Variants in LRRC51 observed in about 807,000 individuals in gnomAD.
The protein encoded by LRRC51 is leucine rich repeat containing 51.
A neutral mutation model predicts 17.8 loss-of-function variants in LRRC51; 8 were observed. The observed-to-expected ratio is 0.45, with a 90% CI of 0.26 to 0.81. The LOEUF (loss-of-function observed/expected upper bound fraction) is 0.81. Among genes scored for constraint, LRRC51 ranks in the 30% least tolerant of loss-of-function variants. LRRC51 has a pLI of 0.17. For synonymous variants in LRRC51, 92 were observed against 96.0 expected (o/e 0.96, Z 0.24); for missense variants, 233 against 239.3 (o/e 0.97, Z 0.17).
In LRRC51 at chr11:72,089,076, C is replaced by A. The variant is rs984436159; in HGVS notation, c.-8C>A. The A allele has an allele frequency of 6.2e-7, 1 of 1,613,544 alleles. No individual in the cohort carries two copies. Among genetic ancestry groups the A allele is most frequent in the Non-Finnish European group, 8.5e-7 (1 of 1,179,976 alleles). On this transcript the variant is annotated 5_prime_UTR_variant, in exon 3 of 6. Coordinates refer to ENST00000289488, the MANE Select transcript of LRRC51 (RefSeq NM_145309.6). ...ACCTGCTTGCACCTTTGAATGATGG[C>A]CTGAACTATGAACAAACGGGACTAT...
chr11:72,085,074 G>A (rs1208148383), intron 1 of LRRC51, among the ~76,000 whole-genome samples: 1 of 152,160 alleles, frequency 6.6e-6, no homozygotes, highest in Admixed American at 6.5e-5. Context: ...ATTTGGAAAT[G>A]AGAAATTCCA....
chr11:72,089,389 T>C (rs1944728016), intron 3 of LRRC51: 2 of 1,470,152 alleles, frequency 1.4e-6, no homozygotes, highest in Non-Finnish European at 1.8e-6. Context: ...CCTAAGAACA[T>C]GTGCCCCTGT....
intron 1 of LRRC51, among the ~76,000 whole-genome samples, chr11:72,087,966 C>T (rs1944639143): frequency 2.0e-5 from 3 of 152,084 alleles, no homozygotes; most frequent in Admixed American, 2.0e-4. Context: ...TATTGTAAAC[C>T]TGAAATCCTT....
At chr11:72,093,885 T>C (rs796266187) in intron 4 of LRRC51, among the ~76,000 whole-genome samples, 184 bp downstream of exon 4, 9 of 152,358 alleles carry the variant, frequency 5.9e-5, no homozygotes, top group African/African-American at 2.2e-4. Context: ...TCTTACTGAC[T>C]GTGACTTTGA....
chr11:72,089,698 C>T, intron 3 of LRRC51: 1 of 799,794 alleles, frequency 1.3e-6, no homozygotes, highest in Non-Finnish European at 1.6e-6. Flanking sequence ...AGTTTAAATA[C>T]TTACTGACAA....
Position 72,096,116 on chromosome 11 carries a change from C to T in LRRC51, c.*596C>T. The T allele has an allele frequency of 5.9e-6, 1 of 168,478 alleles. No individual in the cohort carries two copies. Among genetic ancestry groups the T allele is most frequent in the South Asian group, 1.4e-4 (1 of 7,238 alleles). The allele number at this position is 168,478 out of a possible 1,614,324, so 10.4% of individuals were successfully genotyped here. On this transcript the variant is annotated 3_prime_UTR_variant, in exon 6 of 6. Coordinates refer to ENST00000289488, the MANE Select transcript of LRRC51 (RefSeq NM_145309.6). Reference sequence around the variant, plus strand: ...CTTCCAGGTTCACGCCATTCTCCTGCCTCAGCCTCCCAAGTAGCTGGGACT... The same window carrying T: ...CTTCCAGGTTCACGCCATTCTCCTGTCTCAGCCTCCCAAGTAGCTGGGACT...
At chr11:72,092,700 A>G (rs1217849315) in intron 3 of LRRC51, among the ~76,000 whole-genome samples, 1 of 152,200 alleles carries the variant, frequency 6.6e-6, no homozygotes, top group African/African-American at 2.4e-5. Context: ...CAGGCACACA[A>G]ACCCGCCCCA....
intron 4 of LRRC51, chr11:72,094,652 C>A: frequency 1.4e-6 from 1 of 698,526 alleles, no homozygotes; most frequent in South Asian, 1.5e-5. Context: ...ATCACCAAAG[C>A]TGGAAAGGTC....
intron 1 of LRRC51, among the ~76,000 whole-genome samples, chr11:72,087,497 C>T (rs1944607544): frequency 6.6e-6 from 1 of 152,086 alleles, no homozygotes; most frequent in African/African-American, 2.4e-5. Flanking sequence ...CTAATTTATC[C>T]TTTGAATCCA....
intron 1 of LRRC51, chr11:72,086,555 T>TTTCTA: frequency 1.5e-6 from 1 of 684,926 alleles, no homozygotes; most frequent in Non-Finnish European, 2.7e-6. Flanking sequence ...TGAGTGCCTG[T>TTTCTA]TGTAAACCTG....
intron 2 of LRRC51, 128 bp from the exon 3 acceptor site, chr11:72,088,901 C>A: frequency 9.1e-7 from 1 of 1,104,050 alleles, no homozygotes; most frequent in Non-Finnish European, 1.3e-6. Flanking sequence ...AGAGTGATTT[C>A]ATATCTTAAA....
chr11:72,093,661 G>T lies in LRRC51; in HGVS notation c.248G>T (p.Trp83Leu). The T allele has an allele frequency of 3.7e-6, 6 of 1,614,156 alleles. No individual in the cohort carries two copies. Among genetic ancestry groups the T allele is most frequent in the Non-Finnish European group, 5.1e-6 (6 of 1,179,994 alleles). The change falls in exon 4 of 6, where the codon TGG (tryptophan) becomes TTG (leucine). Residue 83 changes from tryptophan to leucine, a missense_variant. Trp to Leu is a moderately conservative substitution (Grantham distance 61, BLOSUM62 -2). Transcript: ENST00000289488. ...QLLEHPENLA[W>L]IDLSFNDLTS... is the part of the protein sequence containing the mutation. ...TTGGAGCACCCAGAGAACCTGGCCT[G>T]GATCGACCTGTCCTTTAATGACCTG... is the stretch of plus-strand genomic sequence containing the variant.
At chr11:72,085,714 T>C (rs1944491546) in intron 1 of LRRC51, 1 of 152,342 alleles carries the variant, frequency 6.6e-6, no homozygotes, top group South Asian at 2.1e-4. Context: ...AATAAACATT[T>C]ATTATTGCTT....
intron 3 of LRRC51, among the ~76,000 whole-genome samples, chr11:72,090,469 C>A (rs1944792536): frequency 1.3e-5 from 2 of 152,056 alleles, no homozygotes; most frequent in Non-Finnish European, 2.9e-5. Context: ...TGAGCACTTA[C>A]TAAAAGCATT....
chr11:72,095,375 A>G lies in LRRC51; in HGVS notation c.438-4A>G, dbSNP rs1945128691. On this transcript the variant is annotated splice_region_variant and splice_polypyrimidine_tract_variant and intron_variant, in intron 5 of 5. Coordinates refer to ENST00000289488, the MANE Select transcript of LRRC51 (RefSeq NM_145309.6). ...CTGGCCCCCAGCCTAAGTCTTCCCC[A>G]CAGGCAATATGTGCTGTGCACCCTG... The G allele has an allele frequency of 3.1e-6, 5 of 1,613,888 alleles. No homozygotes were observed. The highest frequency in any genetic ancestry group is 4.2e-6 in the Non-Finnish European group (5 of 1,180,038).
At chr11:72,094,852 C>G (rs1847963283) in intron 4 of LRRC51, 96 bp from the exon 5 acceptor site, 2 of 1,613,164 alleles carry the variant, frequency 1.2e-6, no homozygotes, top group Non-Finnish European at 8.5e-7. Flanking sequence ...GCAGGTTGTT[C>G]CCCACATTCT....
chr11:72,087,285 TTC>T (rs1157557080), intron 1 of LRRC51, among the ~76,000 whole-genome samples: 1 of 108,828 alleles, frequency 9.2e-6, no homozygotes, highest in African/African-American at 3.5e-5. Context: ...TTAACAGAAA[TTC>T]TTTTTTTTTT....
At chr11:72,095,305 G>C (rs777579096) in intron 5 of LRRC51, 74 bp from the exon 6 acceptor site, 24 of 1,611,846 alleles carry the variant, frequency 1.5e-5, no homozygotes, top group Non-Finnish European at 1.9e-5. Flanking sequence ...AGTCAGGGAA[G>C]ACAACAGCAA....
In LRRC51 at chr11:72,095,405, G is replaced by A. The variant is rs147106961; in HGVS notation, c.464G>A (p.Arg155His). 244 of 1,614,078 alleles carry A rather than the reference G, an allele frequency of 1.5e-4. No individual in the cohort carries two copies. The African/African-American group carries it at 2.3e-3, about 15-fold the overall frequency. ...YRQYVLCTLS[R>H]ITTFDFSGVT... ...CAATATGTGCTGTGCACCCTGTCCC[G>A]TATCACCACGTTCGACTTCAGTGGG... The change falls in exon 6 of 6, where the codon CGT (arginine) becomes CAT (histidine). Residue 155 changes from arginine to histidine, a missense_variant. Coordinates refer to ENST00000289488, the MANE Select transcript of LRRC51 (RefSeq NM_145309.6).
Sources: gnomAD v4.1 joint callset for allele counts (sites outside exome capture counted in the v4.1 genomes callset) on GRCh38, gnomAD v4.1.1 for gene constraint, MANE v1.5 for transcripts, NCBI Gene and HGNC (gene_info 2026-07-23, HGNC 2026-07-21) for gene names.